Variants in AGPAT4 observed in about 807,000 individuals in gnomAD.
AGPAT4 encodes 1-acylglycerol-3-phosphate O-acyltransferase 4.
A neutral mutation model predicts 48.0 loss-of-function variants in AGPAT4; 15 were observed. The ratio of observed to expected loss-of-function variants is 0.31; its 90% CI spans 0.21 to 0.48. The LOEUF (loss-of-function observed/expected upper bound fraction) is 0.48. Among genes scored for constraint, AGPAT4 ranks in the 20% least tolerant of loss-of-function variants. AGPAT4 has a pLI of 0.99. For missense variants in AGPAT4, 314 were observed against 482.5 expected, an observed-to-expected ratio of 0.65 and a Z score of 3.27; for synonymous variants, 178 against 198.7, an observed-to-expected ratio of 0.90 and a Z score of 0.88.
Position 161,189,025 on chromosome 6 carries a change from T to A in AGPAT4, c.179-22608A>T, listed in dbSNP as rs1300755579. Among the ~76,000 whole-genome samples, 1 of 152,186 alleles carries A rather than the reference T, an allele frequency of 6.6e-6. No homozygotes were observed. The highest frequency in any genetic ancestry group is 1.5e-5 in the Non-Finnish European group (1 of 68,034). ...GCCTCGTGCACGTGCAGAACACGTG[T>A]TTCTTAGAATCTTAGTAATTTTGAA... On this transcript the variant is annotated intron_variant, in intron 2 of 8. Coordinates refer to ENST00000320285, the MANE Select transcript of AGPAT4 (RefSeq NM_020133.3). This position sits in a 1 kb window ranked among gnomAD's most constrained non-coding sequence, Gnocchi z 5.3.
At chr6:161,250,680 T>C (rs569198053) in intron 1 of AGPAT4, among the ~76,000 whole-genome samples, 63 of 152,212 alleles carry the variant, frequency 4.1e-4, no homozygotes, top group Non-Finnish European at 7.8e-4. Context: ...CTAGTGAATA[T>C]TGACAAATTG....
At position 161,165,814 on chromosome 6, in the gene AGPAT4, A is replaced by G. The variant is rs1780081516; in HGVS notation, c.348+434T>C. 6.7e-6 allele frequency: 4 copies of G among 594,076 alleles called. No homozygotes were observed. Among genetic ancestry groups the G allele is most frequent in the Non-Finnish European group, 9.3e-6 (3 of 323,210 alleles). 36.8% of individuals were successfully genotyped at this position (594,076 alleles called of 1,614,324 possible). A position where few individuals can be genotyped will look rare whatever the true frequency, so the allele number is the denominator to read the frequency against. On this transcript the variant is annotated intron_variant, in intron 3 of 8. Coordinates refer to ENST00000320285, the MANE Select transcript of AGPAT4 (RefSeq NM_020133.3). The surrounding 1 kb of genome is among the most constrained non-coding windows in gnomAD (Gnocchi z 5.5). ...AAAGTTCTTAAGCCTTCAACGATCAAAATGCAGAGGTGATGTCTGCCTGTT... is the reference window on the plus strand; with the variant it reads ...AAAGTTCTTAAGCCTTCAACGATCAGAATGCAGAGGTGATGTCTGCCTGTT...
Position 161,208,581 on chromosome 6 carries a change from G to A in AGPAT4, c.178+23455C>T, listed in dbSNP as rs537225381. Among the ~76,000 whole-genome samples, 6 of 151,306 alleles carry A rather than the reference G, an allele frequency of 4.0e-5. No homozygotes were observed. The highest frequency in any genetic ancestry group is 5.9e-5 in the Non-Finnish European group (4 of 67,836). On this transcript the variant is annotated intron_variant, in intron 2 of 8. Coordinates refer to ENST00000320285, the MANE Select transcript of AGPAT4 (RefSeq NM_020133.3). This position sits in a 1 kb window ranked among gnomAD's most constrained non-coding sequence, Gnocchi z 4.6. Reference sequence around the variant, plus strand: ...CAAATTTGAATTCACTTAAAACAACGATAGCAAAAAAATACTTGCAATGAA... The same window carrying A: ...CAAATTTGAATTCACTTAAAACAACAATAGCAAAAAAATACTTGCAATGAA...
chr6:161,226,473 G>T lies in AGPAT4; in HGVS notation c.178+5563C>A, dbSNP rs149444924. 2.0e-5 allele frequency among the ~76,000 whole-genome samples: 3 copies of T among 152,264 alleles called. No homozygotes were observed. The East Asian group carries it at 5.8e-4, about 29-fold the overall frequency. On this transcript the variant is annotated intron_variant, in intron 2 of 8. Transcript: ENST00000320285. The surrounding 1 kb of genome is among the most constrained non-coding windows in gnomAD (Gnocchi z 6.3). The stretch of plus-strand genomic sequence containing the variant: ...AAAGCCACAGCGACACTCTCTTTGG[G>T]GGATCAACAGCTTTCTTATCGAGAA...
In AGPAT4 at chr6:161,217,053, G is replaced by T. The variant is rs1399316462; in HGVS notation, c.178+14983C>A. Among the ~76,000 whole-genome samples, 1 of 152,162 alleles carries T rather than the reference G, an allele frequency of 6.6e-6. No homozygotes were observed. The highest frequency in any genetic ancestry group is 1.5e-5 in the Non-Finnish European group (1 of 68,040). ...GTGTTCTTCACCTTCAGGCTTTCCT[G>T]TCCTTGTCAATTTCCGTTTAGGTGT... On this transcript the variant is annotated intron_variant, in intron 2 of 8. Transcript: ENST00000320285. The surrounding 1 kb of genome is among the most constrained non-coding windows in gnomAD (Gnocchi z 4.9).
In AGPAT4 at chr6:161,223,473, G is replaced by A. The variant is rs74540122; in HGVS notation, c.178+8563C>T. On this transcript the variant is annotated intron_variant, in intron 2 of 8. Coordinates refer to ENST00000320285, the MANE Select transcript of AGPAT4 (RefSeq NM_020133.3). This position sits in a 1 kb window ranked among gnomAD's most constrained non-coding sequence, Gnocchi z 6.3. ...CCTTAGGCAAGTCATCCAACCTCTC[G>A]CCTCATTTAACAGGTGAATTGCCTG... Among the ~76,000 whole-genome samples the A allele has an allele frequency of 4.9e-3, 747 of 152,212 alleles. 14 individuals are homozygous for A. Among genetic ancestry groups the A allele is most frequent in the East Asian group, 0.035 (182 of 5,176 alleles).
In AGPAT4 at chr6:161,238,593, C is replaced by T. The variant is rs573026695; in HGVS notation, c.-89-6291G>A. Among the ~76,000 whole-genome samples, 51 of 152,320 alleles carry T rather than the reference C, an allele frequency of 3.3e-4. No homozygotes were observed. The South Asian group carries it at 3.7e-3, about 11-fold the overall frequency. ...GAAATAATGCAGTCACAAGCACTCA[C>T]GTGTACTTTACCTTCCTTAACTATG... On this transcript the variant is annotated intron_variant, in intron 1 of 8. Transcript: ENST00000320285. The surrounding 1 kb of genome is among the most constrained non-coding windows in gnomAD (Gnocchi z 5.2).
chr6:161,176,331 G>A (rs1421858816), intron 2 of AGPAT4, among the ~76,000 whole-genome samples: 1 of 152,200 alleles, frequency 6.6e-6, no homozygotes, highest in Non-Finnish European at 1.5e-5. Context: ...TGTATTGGGT[G>A]CATATATGTT....
chr6:161,217,631 A>T lies in AGPAT4; in HGVS notation c.178+14405T>A, dbSNP rs1781685708. Among the ~76,000 whole-genome samples, 1 of 152,236 alleles carries T rather than the reference A, an allele frequency of 6.6e-6. No homozygotes were observed. The highest frequency in any genetic ancestry group is 6.5e-5 in the Admixed American group (1 of 15,288). ...AATCTGTTCCTTTCCATTTAAAGAAATTGGCTACTGGTGTAGAAATTGTAC... is the reference window on the plus strand; with the variant it reads ...AATCTGTTCCTTTCCATTTAAAGAATTTGGCTACTGGTGTAGAAATTGTAC... On this transcript the variant is annotated intron_variant, in intron 2 of 8. Coordinates refer to ENST00000320285, the MANE Select transcript of AGPAT4 (RefSeq NM_020133.3). This position sits in a 1 kb window ranked among gnomAD's most constrained non-coding sequence, Gnocchi z 4.9.
chr6:161,159,501 G>A lies in AGPAT4; in HGVS notation c.349-5191C>T, dbSNP rs893492227. Among the ~76,000 whole-genome samples the A allele has an allele frequency of 6.6e-6, 1 of 152,162 alleles. No individual in the cohort carries two copies. The highest frequency in any genetic ancestry group is 6.5e-5 in the Admixed American group (1 of 15,274). On this transcript the variant is annotated intron_variant, in intron 3 of 8. Coordinates refer to ENST00000320285, the MANE Select transcript of AGPAT4 (RefSeq NM_020133.3). This position sits in a 1 kb window ranked among gnomAD's most constrained non-coding sequence, Gnocchi z 4.1. ...ACCCCTTCTGGCAAGAAAGGTGTGT[G>A]CAAGAGAGGATGGTATGGGCCTGGA...
In AGPAT4 at chr6:161,259,823, C is replaced by G. The variant is rs1783049274; in HGVS notation, c.-90+14115G>C. ...AATGAAAGTCTTCCGGACAGGGGTC[C>G]ACTTTTTACAATGTCAGCACCTAGC... On this transcript the variant is annotated intron_variant, in intron 1 of 8. Transcript: ENST00000320285. The surrounding 1 kb of genome is among the most constrained non-coding windows in gnomAD (Gnocchi z 4.9). Among the ~76,000 whole-genome samples, 1 of 152,100 alleles carries G rather than the reference C, an allele frequency of 6.6e-6. No homozygotes were observed. Among genetic ancestry groups the G allele is most frequent in the Admixed American group, 6.5e-5 (1 of 15,270 alleles).
chr6:161,248,363 A>G (rs1260089053), intron 1 of AGPAT4, among the ~76,000 whole-genome samples: 1 of 152,126 alleles, frequency 6.6e-6, no homozygotes, highest in Admixed American at 6.6e-5. Flanking sequence ...TCATGAGGTC[A>G]GGAGATCGAG....
rs1783392656 is a variant in AGPAT4, at chr6:161,270,586, C to T, written c.-90+3352G>A. 6.6e-6 allele frequency among the ~76,000 whole-genome samples: 1 copy of T among 152,008 alleles called. No homozygotes were observed. On this transcript the variant is annotated intron_variant, in intron 1 of 8. Transcript: ENST00000320285. The surrounding 1 kb of genome is among the most constrained non-coding windows in gnomAD (Gnocchi z 5.3). The stretch of plus-strand genomic sequence containing the variant: ...GAGTTCGAGACCAGCCTGGCCAATA[C>T]AGTGAAATTCTATCTCTACTAAAAA...
At position 161,164,778 on chromosome 6, in the gene AGPAT4, C is replaced by G. The variant is rs893526056; in HGVS notation, c.348+1470G>C. Among the ~76,000 whole-genome samples the G allele has an allele frequency of 1.3e-5, 2 of 152,278 alleles. No individual in the cohort carries two copies. Among genetic ancestry groups the G allele is most frequent in the Middle Eastern group, 3.4e-3 (1 of 294 alleles). ...GGCAAGCAGGGATTGGAAGGCACCCCCAAGTTCAATGGGCCTTCTGCTCTA... is the reference window on the plus strand; with the variant it reads ...GGCAAGCAGGGATTGGAAGGCACCCGCAAGTTCAATGGGCCTTCTGCTCTA... On this transcript the variant is annotated intron_variant, in intron 3 of 8. Transcript: ENST00000320285. This position sits in a 1 kb window ranked among gnomAD's most constrained non-coding sequence, Gnocchi z 7.4.
At chr6:161,271,473 C>A (rs1582926900) in intron 1 of AGPAT4, among the ~76,000 whole-genome samples, 1 of 152,356 alleles carries the variant, frequency 6.6e-6, no homozygotes, top group Middle Eastern at 3.4e-3. Flanking sequence ...GCCTTCTTCA[C>A]CAACTTCACA....
rs2114945394 is a variant in AGPAT4, at chr6:161,135,529, G to C, written c.*1011C>G. 1 of 152,372 alleles carries C rather than the reference G, an allele frequency of 6.6e-6. No individual in the cohort carries two copies. The highest frequency in any genetic ancestry group is 2.1e-4 in the South Asian group (1 of 4,830). The allele number at this position is 152,372 out of a possible 1,614,324, so 9.4% of individuals were successfully genotyped here. ...GGGGTTTTTTGTACATGGGATGTCG[G>C]CTCTGATTTGACCCTCATCAGAGCA... is the stretch of plus-strand genomic sequence containing the variant. On this transcript the variant is annotated 3_prime_UTR_variant, in exon 9 of 9. Transcript: ENST00000320285.
chr6:161,247,499 T>G (rs1032562246), intron 1 of AGPAT4, among the ~76,000 whole-genome samples: 1 of 152,192 alleles, frequency 6.6e-6, no homozygotes, highest in African/African-American at 2.4e-5. Flanking sequence ...TATATAGTAG[T>G]TGAACTCCTT....
intron 2 of AGPAT4, among the ~76,000 whole-genome samples, chr6:161,227,892 G>T (rs200205950): frequency 6.7e-3 from 2 of 298 alleles, no homozygotes; most frequent in African/African-American, 0.014. Context: ...GTGAAAGGAA[G>T]TAACAACTTC....
intron 2 of AGPAT4, among the ~76,000 whole-genome samples, chr6:161,205,909 A>C (rs533382926): frequency 6.6e-6 from 1 of 152,270 alleles, no homozygotes; most frequent in East Asian, 1.9e-4. Context: ...CTATTCCATC[A>C]AGCATGGCTA....
Sources: gnomAD v4.1 joint callset for allele counts (sites outside exome capture counted in the v4.1 genomes callset) on GRCh38, gnomAD v4.1.1 for gene constraint, Gnocchi (gnomAD v3.1) non-coding constraint, MANE v1.5 for transcripts, NCBI Gene and HGNC (gene_info 2026-07-23, HGNC 2026-07-21) for gene names.